The following GTF3C1 variants were observed in gnomAD, a reference collection of about 807,000 sequenced individuals.
GTF3C1 encodes general transcription factor IIIC subunit 1.
A neutral mutation model predicts 226.7 loss-of-function variants in GTF3C1; 57 were observed. The observed-to-expected ratio is 0.25, with a 90% CI of 0.20 to 0.31. The LOEUF (loss-of-function observed/expected upper bound fraction) is 0.31. Ranked by LOEUF, GTF3C1 falls within the 10% of genes least tolerant of loss-of-function variation. GTF3C1 has a pLI of 1.00. For missense variants in GTF3C1, 2,217 were observed against 2,776.1 expected (o/e 0.80, Z 4.53); for synonymous variants, 1,090 against 1,084.8 (o/e 1.00, Z -0.09).
At chr16:27,534,779 C>A (rs1031121974) in intron 4 of GTF3C1, among the ~76,000 whole-genome samples, 9 of 152,162 alleles carry the variant, frequency 5.9e-5, no homozygotes, top group African/African-American at 1.4e-4. Flanking sequence ...AGATGCTTCT[C>A]TCTAATACTG....
chr16:27,537,724 A>C, intron 4 of GTF3C1, 60 bp downstream of exon 4: 1 of 1,267,008 alleles, frequency 7.9e-7, no homozygotes, highest in South Asian at 1.4e-5. Flanking sequence ...ACAATTTTTA[A>C]AGCATACTAC....
intron 2 of GTF3C1, 95 bp from the exon 3 acceptor site, chr16:27,538,451 G>T: frequency 1.3e-6 from 1 of 748,572 alleles, no homozygotes; most frequent in Non-Finnish European, 2.1e-6. Flanking sequence ...CTCATTTCCT[G>T]CTTCTGCTAG....
Position 27,471,571 on chromosome 16 carries a change from C to A in GTF3C1, c.4526+177G>T. 1.7e-6 allele frequency: 1 copy of A among 586,844 alleles called. No homozygotes were observed. Among genetic ancestry groups the A allele is most frequent in the East Asian group, 2.8e-5 (1 of 36,038 alleles). The allele number at this position is 586,844 out of a possible 1,614,324, so 36.4% of individuals were successfully genotyped here. On this transcript the variant is annotated intron_variant, in intron 30 of 36. Transcript: ENST00000356183. This position sits in a 1 kb window ranked among gnomAD's most constrained non-coding sequence, Gnocchi z 5.0. ...AGAAGCTGCCAGCGCTCACCTGATCCCCATACCACGAAGGAGGTAAGGGGC... is the reference window on the plus strand; with the variant it reads ...AGAAGCTGCCAGCGCTCACCTGATCACCATACCACGAAGGAGGTAAGGGGC...
At chr16:27,540,921 A>G (rs150782081) in intron 2 of GTF3C1, among the ~76,000 whole-genome samples, 1 of 151,958 alleles carries the variant, frequency 6.6e-6, no homozygotes, top group African/African-American at 2.4e-5. Flanking sequence ...GCTCACTGCA[A>G]CCTCTGCCTC....
chr16:27,472,590 G>A (rs554866738), intron 29 of GTF3C1, among the ~76,000 whole-genome samples: 26 of 152,230 alleles, frequency 1.7e-4, no homozygotes, highest in African/African-American at 5.1e-4. Context: ...GACCCTGCCC[G>A]CCCAGCCACC....
intron 4 of GTF3C1, among the ~76,000 whole-genome samples, chr16:27,535,168 A>C (rs2088981274): frequency 6.6e-6 from 1 of 152,234 alleles, no homozygotes; most frequent in African/African-American, 2.4e-5. Context: ...GGATGAAATC[A>C]AATCTGCATA....
rs962943057 is a variant in GTF3C1 at position 27,470,494 on chromosome 16, T to G, written c.4527-99A>C. 1.1e-4 allele frequency: 97 copies of G among 912,986 alleles called. No individual in the cohort carries two copies. The Middle Eastern group carries it at 1.4e-3, about 13-fold the overall frequency. The allele number at this position is 912,986 out of a possible 1,614,324, so 56.6% of individuals were successfully genotyped here. On this transcript the variant is annotated intron_variant, in intron 30 of 36. Coordinates refer to ENST00000356183, the MANE Select transcript of GTF3C1 (RefSeq NM_001520.4). The surrounding 1 kb of genome is among the most constrained non-coding windows in gnomAD (Gnocchi z 4.9). Reference sequence around the variant, plus strand: ...CACGTCAAACCATTATGGTGAGAACTAAGCAAAACGCCCCACTTCTTCCCT... The same window carrying G: ...CACGTCAAACCATTATGGTGAGAACGAAGCAAAACGCCCCACTTCTTCCCT...
intron 29 of GTF3C1, among the ~76,000 whole-genome samples, chr16:27,473,214 T>C (rs2141352868): frequency 6.6e-6 from 1 of 152,360 alleles, no homozygotes; most frequent in Middle Eastern, 3.4e-3. Flanking sequence ...GATTCAACTC[T>C]TGCTGTTGCC....
rs1245112051 is a variant in GTF3C1 at position 27,461,200 on chromosome 16, G to GT, written c.*149dup. 5.0e-6 allele frequency: 3 copies of GT among 597,830 alleles called. No homozygotes were observed. The highest frequency in any genetic ancestry group is 9.0e-6 in the Non-Finnish European group (3 of 334,286). 37.0% of individuals were successfully genotyped at this position (597,830 alleles called of 1,614,324 possible). A position where few individuals can be genotyped will look rare whatever the true frequency, so the allele number is the denominator to read the frequency against. On this transcript the variant is annotated 3_prime_UTR_variant, in exon 37 of 37. Coordinates refer to ENST00000356183, the MANE Select transcript of GTF3C1 (RefSeq NM_001520.4). The surrounding 1 kb of genome is among the most constrained non-coding windows in gnomAD (Gnocchi z 5.3). ...CCAGAGTTCCAGTACAGTGGGAAAC[G>GT]TGTCAGTCTGTGACTCTGGCCAAAG...
intron 6 of GTF3C1, among the ~76,000 whole-genome samples, chr16:27,524,697 T>C (rs1390197165): frequency 6.6e-6 from 1 of 152,184 alleles, no homozygotes; most frequent in African/African-American, 2.4e-5. Context: ...GCAAAAAAGG[T>C]TCTTTAAGGA....
rs2088717529 is a variant in GTF3C1 at position 27,519,788 on chromosome 16, G to T, written c.974-7887C>A. 2.6e-5 allele frequency among the ~76,000 whole-genome samples: 4 copies of T among 152,154 alleles called. 1 individual carries two copies. Among genetic ancestry groups the T allele is most frequent in the Admixed American group, 2.6e-4 (4 of 15,276 alleles). Reference sequence around the variant, plus strand: ...GAAAGAAAGAAAATACTACTGACAGGATTGCATGCTTAGAAGGACTAGAAT... The same window carrying T: ...GAAAGAAAGAAAATACTACTGACAGTATTGCATGCTTAGAAGGACTAGAAT... On this transcript the variant is annotated intron_variant, in intron 6 of 36. Coordinates refer to ENST00000356183, the MANE Select transcript of GTF3C1 (RefSeq NM_001520.4).
intron 8 of GTF3C1, 146 bp downstream of exon 8, chr16:27,508,394 T>G (rs2088519660): frequency 3.3e-6 from 2 of 609,360 alleles, no homozygotes; most frequent in Admixed American, 5.8e-5. Context: ...AACATGGCTA[T>G]GGACTGCACT....
intron 23 of GTF3C1, 28 bp downstream of exon 23, chr16:27,488,199 C>G (rs747702911): frequency 3.8e-6 from 6 of 1,590,520 alleles, no homozygotes; most frequent in Non-Finnish European, 4.3e-6. Context: ...AGACAAGGCC[C>G]AGTAAATGAA....
Position 27,508,675 on chromosome 16 carries a change from T to C in GTF3C1, c.1127-20A>G. On this transcript the variant is annotated intron_variant, in intron 7 of 36. Coordinates refer to ENST00000356183, the MANE Select transcript of GTF3C1 (RefSeq NM_001520.4). ...GCTCAACTGTGAGAAACAATACACG[T>C]GAACCCAAACCGCTGCAAAGGAGCT... is the stretch of plus-strand genomic sequence containing the variant. 1 of 1,581,022 alleles carries C rather than the reference T, an allele frequency of 6.3e-7. No individual in the cohort carries two copies. Among genetic ancestry groups the C allele is most frequent in the South Asian group, 1.1e-5 (1 of 90,312 alleles).
intron 1 of GTF3C1, among the ~76,000 whole-genome samples, chr16:27,547,770 G>A (rs548974379): frequency 5.5e-4 from 84 of 151,988 alleles, no homozygotes; most frequent in Non-Finnish European, 8.2e-4. Context: ...GATTTCAGGC[G>A]TCTACCACCA....
intron 10 of GTF3C1, 131 bp downstream of exon 10, chr16:27,505,768 A>C (rs932954019): frequency 9.5e-5 from 61 of 644,110 alleles, no homozygotes; most frequent in Non-Finnish European, 1.7e-4. Context: ...CCTGGGAAGC[A>C]CAGGCAGGCC....
rs1240521667 is a variant in GTF3C1 at position 27,537,873 on chromosome 16, C to T, written c.663G>A (p.Leu221=). The part of the protein sequence containing the change: ...YHRKILNKNG[L]ITMQSHVIRL... ...GGATCACATGGGACTGCATTGTAATCAGCCCGTTTTTGTTCAAAATTTTTC... is the reference window on the plus strand; with the variant it reads ...GGATCACATGGGACTGCATTGTAATTAGCCCGTTTTTGTTCAAAATTTTTC... The change falls in exon 4 of 37, where the codon CTG becomes CTA. Residue 221 remains leucine, a synonymous_variant. Transcript: ENST00000356183. The T allele has an allele frequency of 3.7e-6, 6 of 1,613,690 alleles. No individual in the cohort carries two copies. The highest frequency in any genetic ancestry group is 5.1e-6 in the Non-Finnish European group (6 of 1,179,576).
intron 32 of GTF3C1, chr16:27,465,903 C>A: frequency 3.6e-6 from 1 of 280,458 alleles, no homozygotes; most frequent in Non-Finnish European, 6.9e-6. Flanking sequence ...CTGGTCCCAT[C>A]CCTTCCTGCT....
At chr16:27,542,780 T>A (rs2089105926) in intron 2 of GTF3C1, among the ~76,000 whole-genome samples, 1 of 152,304 alleles carries the variant, frequency 6.6e-6, no homozygotes, top group South Asian at 2.1e-4. Context: ...CCTCTGCACA[T>A]GTTCACTGTC....
Sources: allele counts gnomAD v4.1 joint callset (sites outside exome capture counted in the v4.1 genomes callset), GRCh38; gene constraint gnomAD v4.1.1; non-coding constraint Gnocchi (gnomAD v3.1); transcripts MANE v1.5; gene names NCBI Gene and HGNC (gene_info 2026-07-23, HGNC 2026-07-21).